FAM107A: variants seen among roughly 807,000 people sequenced by gnomAD.
The protein encoded by FAM107A is actin-associated protein FAM107A.
Under a neutral mutation model 13.7 loss-of-function variants are expected in FAM107A, and 19 were observed. The ratio of observed to expected loss-of-function variants is 1.38; its 90% confidence interval spans 0.97 to 2.03. The LOEUF (loss-of-function observed/expected upper bound fraction) is 2.03, where lower values mean the gene tolerates loss of function less well. FAM107A is among the 30% of genes most tolerant of loss of function. The pLI is 0.00. For missense variants in FAM107A, 203 were observed against 184.4 expected (o/e 1.10, Z -0.58); for synonymous variants, 82 against 74.5 (o/e 1.10, Z -0.52).
At position 58,599,676 on chromosome 3, in the gene FAM107A, A is replaced by G. The variant is rs1559483406; in HGVS notation, c.-69-10407T>C. The stretch of plus-strand genomic sequence containing the variant: ...AGTTTCTAAAAATGTGTTAAGTGGT[A>G]TACTTAAAACAAGTGCACCATTTTT... On this transcript the variant is annotated intron_variant, in intron 1 of 3. Coordinates refer to the FAM107A transcript ENST00000465970. Among the ~76,000 whole-genome samples, 2 of 121,824 alleles carry G rather than the reference A, an allele frequency of 1.6e-5. 1 individual carries two copies. The highest frequency in any genetic ancestry group is 5.1e-4 in the South Asian group (2 of 3,940). 79.9% of individuals were successfully genotyped at this position (121,824 alleles called of 152,430 possible).
intron 1 of FAM107A, among the ~76,000 whole-genome samples, chr3:58,583,787 C>G (rs962165433): frequency 5.9e-5 from 9 of 151,674 alleles, no homozygotes; most frequent in Non-Finnish European, 1.0e-4. Context: ...CTCAAGTGAT[C>G]CTCCCACCTC....
intron 1 of FAM107A, among the ~76,000 whole-genome samples, chr3:58,621,398 G>A (rs2065953838): frequency 6.6e-6 from 1 of 152,142 alleles, no homozygotes; most frequent in South Asian, 2.1e-4. Context: ...ATGCTCTGCT[G>A]TTGCTGTCTT....
rs888042437 is a variant in FAM107A at position 58,583,222 on chromosome 3, T to C, written c.79+3636A>G. On this transcript the variant is annotated intron_variant, in intron 1 of 3. Coordinates refer to the FAM107A transcript ENST00000447756. ...AGGTTTGGAAGGAGGCATTTCCAAATGTTATGTGTGGCCGCCCGTGGTTAG... is the reference window on the plus strand; with the variant it reads ...AGGTTTGGAAGGAGGCATTTCCAAACGTTATGTGTGGCCGCCCGTGGTTAG... 8.5e-5 allele frequency among the ~76,000 whole-genome samples: 13 copies of C among 152,218 alleles called. 1 individual carries two copies. Among genetic ancestry groups the C allele is most frequent in the African/African-American group, 3.1e-4 (13 of 41,454 alleles).
rs930969019 is a variant in FAM107A at position 58,613,646 on chromosome 3, A to G, written c.-70+13770T>C. Among the ~76,000 whole-genome samples, 8 of 152,278 alleles carry G rather than the reference A, an allele frequency of 5.3e-5. No homozygotes were observed. The East Asian group carries it at 1.4e-3, about 26-fold the overall frequency. Reference sequence around the variant, plus strand: ...GGCTTCTTCCTTCAGGACTCTGCTTAGATGGCACCTCCTCCAGGAAGCCTT... The same window carrying G: ...GGCTTCTTCCTTCAGGACTCTGCTTGGATGGCACCTCCTCCAGGAAGCCTT... On this transcript the variant is annotated intron_variant, in intron 1 of 3. Coordinates refer to the FAM107A transcript ENST00000465970. This position sits in a 1 kb window ranked among gnomAD's most constrained non-coding sequence, Gnocchi z 4.6.
At chr3:58,581,885 C>G (rs1363259438), upstream of FAM107A, among the ~76,000 whole-genome samples, 1 of 152,242 alleles carries the variant, frequency 6.6e-6, no homozygotes, top group Non-Finnish European at 1.5e-5. Flanking sequence ...CTCTTAGCTG[C>G]AGAAGGACCC....
At chr3:58,586,321 G>T (rs1422394479) in intron 1 of FAM107A, among the ~76,000 whole-genome samples, 1 of 152,214 alleles carries the variant, frequency 6.6e-6, no homozygotes, top group Non-Finnish European at 1.5e-5. Context: ...AACTGTGTGA[G>T]CGTGTTCTCA....
chr3:58,566,568 C>T lies in FAM107A; in HGVS notation c.*20G>A, dbSNP rs1475531355. 5 of 1,589,758 alleles carry T rather than the reference C, an allele frequency of 3.1e-6. No individual in the cohort carries two copies. The highest frequency in any genetic ancestry group is 3.3e-5 in the Admixed American group (2 of 59,930). ...CTGTCCAGGCCAGGGTGGGCAGTGGCCTGAGCCCGGCAGCTGGCCCTACAG... is the reference window on the plus strand; with the variant it reads ...CTGTCCAGGCCAGGGTGGGCAGTGGTCTGAGCCCGGCAGCTGGCCCTACAG... On this transcript the variant is annotated 3_prime_UTR_variant, in exon 4 of 4. Coordinates refer to ENST00000360997, the MANE Select transcript of FAM107A (RefSeq NM_001076778.3).
intron 1 of FAM107A, among the ~76,000 whole-genome samples, chr3:58,622,551 T>G (rs953170125): frequency 2.6e-5 from 4 of 152,150 alleles, no homozygotes; most frequent in African/African-American, 7.2e-5. Context: ...CCTCACACCT[T>G]GGGATGGAAT....
Position 58,617,235 on chromosome 3 carries a change from C to A in FAM107A, c.-70+10181G>T, listed in dbSNP as rs1025860576. ...GGCAGGCCTCTTCCTGAACGTGCAC[C>A]ACATCATACAACTCAGAATGACCCC... On this transcript the variant is annotated intron_variant, in intron 1 of 3. Transcript: ENST00000465970. This position sits in a 1 kb window ranked among gnomAD's most constrained non-coding sequence, Gnocchi z 4.5. Among the ~76,000 whole-genome samples the A allele has an allele frequency of 8.5e-5, 13 of 152,292 alleles. No individual in the cohort carries two copies. The highest frequency in any genetic ancestry group is 2.9e-4 in the African/African-American group (12 of 41,568).
chr3:58,578,590 C>T (rs962331821), upstream of FAM107A, among the ~76,000 whole-genome samples: 1 of 152,044 alleles, frequency 6.6e-6, no homozygotes, highest in Non-Finnish European at 1.5e-5. Flanking sequence ...AACAAACAAA[C>T]AAAAAAACCC....
intron 1 of FAM107A, among the ~76,000 whole-genome samples, chr3:58,603,813 G>T (rs1479210217): frequency 2.0e-5 from 3 of 150,816 alleles, no homozygotes; most frequent in African/African-American, 7.3e-5. Context: ...ATGTGGGTGT[G>T]CTGGATCAAT....
chr3:58,611,817 C>G (rs995717147), intron 1 of FAM107A, among the ~76,000 whole-genome samples: 1 of 152,172 alleles, frequency 6.6e-6, no homozygotes, highest in African/African-American at 2.4e-5. Flanking sequence ...TAGGATGGTG[C>G]ACGTAAAGTA....
rs2065773427 is a variant in FAM107A, at chr3:58,604,050, C to A, written c.-69-14781G>T. ...CAATAGCCCCTGCCCCACCAGATGC[C>A]CCTCCGCCTGCTCTCTGAGCTTCAC... On this transcript the variant is annotated intron_variant, in intron 1 of 3. Coordinates refer to the FAM107A transcript ENST00000465970. The surrounding 1 kb of genome is among the most constrained non-coding windows in gnomAD (Gnocchi z 4.1). Among the ~76,000 whole-genome samples, 1 of 152,140 alleles carries A rather than the reference C, an allele frequency of 6.6e-6. No homozygotes were observed. Among genetic ancestry groups the A allele is most frequent in the Non-Finnish European group, 1.5e-5 (1 of 68,030 alleles).
upstream of FAM107A, among the ~76,000 whole-genome samples, chr3:58,588,330 C>T (rs147989357): frequency 3.6e-3 from 554 of 152,364 alleles, no homozygotes; most frequent in African/African-American, 0.013. Flanking sequence ...TGTTACCAGC[C>T]TTGGTACCTT....
intron 1 of FAM107A, among the ~76,000 whole-genome samples, chr3:58,603,119 T>A (rs1375240991): frequency 6.6e-6 from 1 of 152,242 alleles, no homozygotes; most frequent in African/African-American, 2.4e-5. Flanking sequence ...TGCTTTGTTA[T>A]ATTGGTTTAG....
chr3:58,611,175 A>G (rs1035004221), intron 1 of FAM107A, among the ~76,000 whole-genome samples: 3 of 152,236 alleles, frequency 2.0e-5, no homozygotes, highest in South Asian at 2.1e-4. Flanking sequence ...CTGTGAGTCA[A>G]TTAAACCTCT....
At chr3:58,612,284 T>C (rs1308728507) in intron 1 of FAM107A, among the ~76,000 whole-genome samples, 1 of 152,068 alleles carries the variant, frequency 6.6e-6, no homozygotes, top group South Asian at 2.1e-4. Context: ...TATGTACCCA[T>C]GAAAAATGTC....
chr3:58,617,228 C>T lies in FAM107A; in HGVS notation c.-70+10188G>A, dbSNP rs761323796. 1.3e-5 allele frequency among the ~76,000 whole-genome samples: 2 copies of T among 152,140 alleles called. No homozygotes were observed. Among genetic ancestry groups the T allele is most frequent in the African/African-American group, 2.4e-5 (1 of 41,432 alleles). On this transcript the variant is annotated intron_variant, in intron 1 of 3. Coordinates refer to the FAM107A transcript ENST00000465970. The surrounding 1 kb of genome is among the most constrained non-coding windows in gnomAD (Gnocchi z 4.5). The stretch of plus-strand genomic sequence containing the variant: ...TCTCAATGGCAGGCCTCTTCCTGAA[C>T]GTGCACCACATCATACAACTCAGAA...
At chr3:58,567,113 C>T in intron 3 of FAM107A, 95 bp downstream of exon 3, 1 of 1,440,946 alleles carries the variant, frequency 6.9e-7, no homozygotes, top group East Asian at 2.3e-5. Flanking sequence ...GTCTGCTGAT[C>T]CTCTTCCCTC....
Sources: gnomAD v4.1 joint callset for allele counts (sites outside exome capture counted in the v4.1 genomes callset) on GRCh38, gnomAD v4.1.1 for gene constraint, Gnocchi (gnomAD v3.1) non-coding constraint, MANE v1.5 for transcripts, NCBI Gene and HGNC (gene_info 2026-07-23, HGNC 2026-07-21) for gene names.